The following RTL4 variants were observed in gnomAD, a reference collection of about 807,000 sequenced individuals.
The protein encoded by RTL4 is retrotransposon Gag-like protein 4.
A neutral mutation model predicts 5.3 loss-of-function variants in RTL4; 4 were observed. The ratio of observed to expected loss-of-function variants is 0.75; its 90% CI spans 0.37 to 1.72. The LOEUF (loss-of-function observed/expected upper bound fraction) is 1.72, where lower values mean the gene tolerates loss of function less well. RTL4 is among the 40% of genes most tolerant of loss of function. The pLI, the probability that RTL4 is intolerant of heterozygous loss-of-function variation, is 0.04. For synonymous variants in RTL4, 98 were observed against 87.3 expected, an observed-to-expected ratio of 1.12 and a Z score of -0.68; for missense variants, 260 against 227.1, an observed-to-expected ratio of 1.14 and a Z score of -0.93.
the RTL4 span, among the ~76,000 whole-genome samples, chrX:112,285,655 T>G: frequency 2.7e-5 from 3 of 111,690 alleles, no homozygotes; most frequent in African/African-American, 9.8e-5. Flanking sequence ...GACCCAGTCC[T>G]GGATCCTCAC....
the RTL4 span, among the ~76,000 whole-genome samples, chrX:112,422,967 G>C: frequency 9.0e-6 from 1 of 110,789 alleles, no homozygotes; most frequent in East Asian, 2.8e-4. Context: ...TTTCTTTTTT[G>C]ATTATTTTAT....
At chrX:112,407,879 C>A in the RTL4 span, among the ~76,000 whole-genome samples, 1 of 112,450 alleles carries the variant, frequency 8.9e-6, no homozygotes, top group South Asian at 3.7e-4. Context: ...AATAATTCTT[C>A]CAAATTTTGT....
the RTL4 span, among the ~76,000 whole-genome samples, chrX:112,359,783 A>G: frequency 9.0e-6 from 1 of 111,274 alleles, no homozygotes; most frequent in Non-Finnish European, 1.9e-5. Flanking sequence ...GCAGGTTTAT[A>G]GGTTCCCTGA....
chrX:112,258,200 T>C, the RTL4 span, among the ~76,000 whole-genome samples: 1 of 110,571 alleles, frequency 9.0e-6, no homozygotes, highest in Non-Finnish European at 1.9e-5. Context: ...ATGCATTTAA[T>C]GAAATTGGTG....
the RTL4 span, among the ~76,000 whole-genome samples, chrX:112,190,326 C>T: frequency 9.1e-6 from 1 of 109,433 alleles, no homozygotes; most frequent in Non-Finnish European, 1.9e-5. Flanking sequence ...CAAAACAGAT[C>T]TCTTTCTGGT....
the RTL4 span, among the ~76,000 whole-genome samples, chrX:112,253,257 G>A: frequency 4.9e-5 from 5 of 102,674 alleles, no homozygotes; most frequent in African/African-American, 2.0e-4. Flanking sequence ...GGCTGCCTGA[G>A]AAGAAATGAG....
the RTL4 span, among the ~76,000 whole-genome samples, chrX:112,114,046 A>T: frequency 1.8e-5 from 2 of 111,725 alleles, no homozygotes; most frequent in Non-Finnish European, 3.8e-5. Context: ...ATTGGGTAAT[A>T]AACTTATCTT....
At chrX:112,227,763 G>A in the RTL4 span, among the ~76,000 whole-genome samples, 3 of 111,482 alleles carry the variant, frequency 2.7e-5, no homozygotes, top group Non-Finnish European at 5.6e-5. Context: ...GCCCAGGGTG[G>A]GTGAATGGGG....
chrX:112,191,583 T>C, the RTL4 span, among the ~76,000 whole-genome samples: 5 of 112,040 alleles, frequency 4.5e-5, no homozygotes, highest in Non-Finnish European at 9.4e-5. Flanking sequence ...AAGCACAAAT[T>C]ATACTGAAAT....
At chrX:112,436,295 C>A in the RTL4 span, among the ~76,000 whole-genome samples, 1 of 110,451 alleles carries the variant, frequency 9.1e-6, no homozygotes, top group East Asian at 2.8e-4. Context: ...CTTTATCAAA[C>A]CTAAGGATTT....
At chrX:112,194,990 C>CAA in the RTL4 span, among the ~76,000 whole-genome samples, 1 of 111,721 alleles carries the variant, frequency 9.0e-6, no homozygotes, top group East Asian at 2.8e-4. Flanking sequence ...ATGGCATGAG[C>CAA]AAAAGCATGG....
At chrX:112,327,748 G>A in the RTL4 span, among the ~76,000 whole-genome samples, 29 of 111,328 alleles carry the variant, frequency 2.6e-4, no homozygotes, top group South Asian at 0.01. Context: ...GTTAAGGGCA[G>A]CCAGAGAGAA....
the RTL4 span, among the ~76,000 whole-genome samples, chrX:112,107,597 A>C: frequency 4.5e-5 from 5 of 111,767 alleles, no homozygotes; most frequent in Non-Finnish European, 7.5e-5. Context: ...TTTTGGTTGA[A>C]GGTTTTCTTC....
the RTL4 span, among the ~76,000 whole-genome samples, chrX:112,306,641 A>G: frequency 1.8e-5 from 2 of 111,195 alleles, no homozygotes; most frequent in African/African-American, 6.5e-5. Flanking sequence ...TGAAGAGGGG[A>G]AAGATGGAAG....
the RTL4 span, among the ~76,000 whole-genome samples, chrX:112,130,609 A>G: frequency 9.0e-6 from 1 of 111,205 alleles, no homozygotes; most frequent in Non-Finnish European, 1.9e-5. Flanking sequence ...AATACTCAGT[A>G]AATTAATGTT....
At chrX:112,455,214 C>T (rs1926816670) in exon 1 of RTL4, 1 of 1,211,255 alleles carries the variant, frequency 8.3e-7, no homozygotes, top group Non-Finnish European at 1.1e-6. Flanking sequence ...CTCAGCAGGA[C>T]CCTGCTACTT....
the RTL4 span, chrX:112,382,030 C>T: frequency 2.6e-5 from 31 of 1,209,089 alleles, no homozygotes; most frequent in Non-Finnish European, 3.5e-5. Context: ...TTGAGCAAGC[C>T]CAGAAACTAA....
the RTL4 span, among the ~76,000 whole-genome samples, chrX:112,313,995 G>A: frequency 9.0e-6 from 1 of 111,345 alleles, no homozygotes; most frequent in Non-Finnish European, 1.9e-5. Context: ...AAGCTTATAC[G>A]ATGCTAATAG....
chrX:112,400,233 G>A, the RTL4 span, among the ~76,000 whole-genome samples: 1 of 111,277 alleles, frequency 9.0e-6, no homozygotes, highest in African/African-American at 3.3e-5. Flanking sequence ...ATTATTTGAG[G>A]TGATTTCACA....
Sources: gnomAD v4.1 joint callset for allele counts (sites outside exome capture counted in the v4.1 genomes callset) on GRCh38, gnomAD v4.1.1 for gene constraint, MANE v1.5 for transcripts, NCBI Gene and HGNC (gene_info 2026-07-23, HGNC 2026-07-21) for gene names.